The following KLF12 variants were observed in gnomAD, a reference collection of about 807,000 sequenced individuals.
The protein encoded by KLF12 is Krueppel-like factor 12.
Under a neutral mutation model 37.8 loss-of-function variants are expected in KLF12, and 9 were observed. The observed-to-expected ratio is 0.24, with a 90% CI of 0.14 to 0.42. The LOEUF is 0.42. KLF12 is among the 10% of genes least tolerant of loss of function. The pLI, the probability that KLF12 is intolerant of heterozygous loss-of-function variation, is 1.00. For missense variants in KLF12, 411 were observed against 516.0 expected (o/e 0.80, Z 1.97); for synonymous variants, 208 against 202.1 (o/e 1.03, Z -0.25).
chr13:73,988,491 A>C (rs982588252), intron 2 of KLF12, among the ~76,000 whole-genome samples: 1 of 152,242 alleles, frequency 6.6e-6, no homozygotes, highest in South Asian at 2.1e-4. Flanking sequence ...TATATGTTTG[A>C]ATTGTAGTGT....
At chr13:74,202,807 T>C in the KLF12 span, among the ~76,000 whole-genome samples, 2 of 152,156 alleles carry the variant, frequency 1.3e-5, no homozygotes, top group African/African-American at 2.4e-5. Flanking sequence ...GGACAGACCC[T>C]TGGGTCAGGC....
intron 3 of KLF12, among the ~76,000 whole-genome samples, chr13:73,932,802 G>T (rs913220490): frequency 1.3e-5 from 2 of 152,114 alleles, no homozygotes; most frequent in Non-Finnish European, 2.9e-5. Context: ...CTGCATAAAA[G>T]GCTCTGTGAC....
At chr13:74,273,744 A>G in the KLF12 span, among the ~76,000 whole-genome samples, 1 of 152,160 alleles carries the variant, frequency 6.6e-6, no homozygotes, top group African/African-American at 2.4e-5. Context: ...TCAGACTCAC[A>G]GCTTTCTGGG....
chr13:73,879,896 A>T (rs1215921980), intron 3 of KLF12, among the ~76,000 whole-genome samples: 1 of 152,170 alleles, frequency 6.6e-6, no homozygotes, highest in Non-Finnish European at 1.5e-5. Flanking sequence ...CCTAAATAAA[A>T]TACTTACTCT....
chr13:74,077,350 A>C (rs1293745375), intron 1 of KLF12, among the ~76,000 whole-genome samples: 1 of 152,082 alleles, frequency 6.6e-6, no homozygotes, highest in Non-Finnish European at 1.5e-5. Flanking sequence ...ATCAAATCTC[A>C]CTTCTTTTTC....
chr13:74,268,107 G>T, the KLF12 span, among the ~76,000 whole-genome samples: 73 of 152,120 alleles, frequency 4.8e-4, no homozygotes, highest in Non-Finnish European at 1.0e-3. Flanking sequence ...GTTGTTTTAA[G>T]CTACTGAGTT....
chr13:74,025,938 A>T (rs780433760), intron 1 of KLF12, among the ~76,000 whole-genome samples: 1 of 152,172 alleles, frequency 6.6e-6, no homozygotes, highest in Non-Finnish European at 1.5e-5. Context: ...ATTATTTGGT[A>T]AAATGCAAAC....
intron 1 of KLF12, among the ~76,000 whole-genome samples, chr13:74,036,424 A>C (rs1156444699): frequency 6.6e-6 from 1 of 152,170 alleles, no homozygotes; most frequent in Admixed American, 6.5e-5. Context: ...CTTGCCTGAC[A>C]CTCACCCAGA....
At chr13:73,963,956 G>C (rs1937804730) in intron 2 of KLF12, among the ~76,000 whole-genome samples, 1 of 152,178 alleles carries the variant, frequency 6.6e-6, no homozygotes, top group African/African-American at 2.4e-5. Context: ...AGAAAACCTA[G>C]CACTATGGGA....
upstream of KLF12, among the ~76,000 whole-genome samples, chr13:74,135,005 G>C (rs965411847): frequency 1.3e-5 from 2 of 151,580 alleles, no homozygotes; most frequent in African/African-American, 4.8e-5. Context: ...CCCGCGCCGG[G>C]CAACAATGGG....
At position 74,032,609 on chromosome 13, in the gene KLF12, T is replaced by G. The variant is rs185269962; in HGVS notation, c.-31-37556A>C. Among the ~76,000 whole-genome samples the G allele has an allele frequency of 2.3e-4, 35 of 152,304 alleles. No homozygotes were observed. The East Asian group carries it at 6.7e-3, about 29-fold the overall frequency. ...TCTTCTCTATGACACATGAGTATTA[T>G]TCAACCTTAACCATCTTATATACAA... is the stretch of plus-strand genomic sequence containing the variant. On this transcript the variant is annotated intron_variant, in intron 1 of 7. Transcript: ENST00000377669.
rs189686309 is a variant in KLF12 at position 73,984,775 on chromosome 13, A to G, written c.33+10215T>C. Among the ~76,000 whole-genome samples, 3 of 152,370 alleles carry G rather than the reference A, an allele frequency of 2.0e-5. No individual in the cohort carries two copies. The East Asian group carries it at 5.8e-4, about 29-fold the overall frequency. On this transcript the variant is annotated intron_variant, in intron 2 of 7. Transcript: ENST00000377669. ...AATTTGGCACCAGAACTAGTTCCAG[A>G]AAAACAAAACGTTACGGATTCCTCC...
intron 5 of KLF12, among the ~76,000 whole-genome samples, chr13:73,795,687 T>C (rs2138300068): frequency 6.6e-6 from 1 of 152,308 alleles, no homozygotes; most frequent in South Asian, 2.1e-4. Context: ...AAGAAACTCT[T>C]GTTTTTCCAA....
At chr13:73,755,596 AG>A (rs1879099269) in intron 6 of KLF12, among the ~76,000 whole-genome samples, 1 of 151,072 alleles carries the variant, frequency 6.6e-6, no homozygotes, top group Non-Finnish European at 1.5e-5. Flanking sequence ...GCTAATACTT[AG>A]GGTTGACAAA....
At chr13:73,756,924 C>T (rs1165153409) in intron 6 of KLF12, among the ~76,000 whole-genome samples, 7 of 152,142 alleles carry the variant, frequency 4.6e-5, no homozygotes, top group Non-Finnish European at 8.8e-5. Context: ...GGCCCAGATC[C>T]TCTTCTTTAC....
the KLF12 span, among the ~76,000 whole-genome samples, chr13:74,295,373 G>A: frequency 6.6e-5 from 10 of 152,042 alleles, no homozygotes; most frequent in African/African-American, 2.4e-4. Flanking sequence ...CAATATATCT[G>A]TGGAAATACT....
chr13:74,093,371 T>TA (rs1233333351), intron 1 of KLF12, among the ~76,000 whole-genome samples: 1 of 152,236 alleles, frequency 6.6e-6, no homozygotes, highest in Non-Finnish European at 1.5e-5. Context: ...AACTTTATGT[T>TA]AGACAGATCT....
intron 1 of KLF12, among the ~76,000 whole-genome samples, chr13:74,070,239 C>A (rs1244675701): frequency 2.0e-5 from 3 of 152,172 alleles, no homozygotes; most frequent in Non-Finnish European, 4.4e-5. Context: ...AAAATTAAAG[C>A]AGGAAGTAAT....
intron 1 of KLF12, among the ~76,000 whole-genome samples, chr13:74,094,144 A>G (rs1875840522): frequency 2.0e-5 from 3 of 152,160 alleles, no homozygotes; most frequent in Admixed American, 2.0e-4. Flanking sequence ...AAGCTCATAA[A>G]TATCTGTCAT....
Sources: allele counts gnomAD v4.1 joint callset (sites outside exome capture counted in the v4.1 genomes callset), GRCh38; gene constraint gnomAD v4.1.1; transcripts MANE v1.5; gene names NCBI Gene and HGNC (gene_info 2026-07-23, HGNC 2026-07-21).